Variants in SLC2A10 observed in about 807,000 individuals in gnomAD.
SLC2A10 encodes solute carrier family 2, facilitated glucose transporter member 10.
SLC2A10 carries 25 observed loss-of-function variants against 32.1 expected under a neutral mutation model. The observed-to-expected ratio is 0.78, with a 90% CI of 0.57 to 1.09. The LOEUF (loss-of-function observed/expected upper bound fraction) is 1.09, where lower values mean the gene tolerates loss of function less well. Among genes scored for constraint, SLC2A10 ranks in the 50% least tolerant of loss-of-function variants. The probability of loss-of-function intolerance (pLI) is 0.00; values close to 1 mark genes in which losing one functional copy is unlikely to be tolerated. For synonymous variants in SLC2A10, 332 were observed against 309.6 expected, an observed-to-expected ratio of 1.07 and a Z score of -0.76; for missense variants, 673 against 686.5, an observed-to-expected ratio of 0.98 and a Z score of 0.22.
intron 3 of SLC2A10, among the ~76,000 whole-genome samples, chr20:46,727,937 G>A (rs906416300): frequency 2.1e-4 from 27 of 128,078 alleles, no homozygotes; most frequent in Admixed American, 1.8e-3. Context: ...AGTGCTGTGG[G>A]AAACCCCAGT....
chr20:46,724,835 G>T, intron 1 of SLC2A10, among the ~76,000 whole-genome samples: 3 of 146,810 alleles, frequency 2.0e-5, no homozygotes, highest in African/African-American at 7.6e-5. Context: ...ATGGATGGAT[G>T]GATGGATGGA....
chr20:46,725,902 G>A lies in SLC2A10; in HGVS notation c.866G>A (p.Gly289Glu). ...VKVAATLTAMGLVDRAGRRAL... is the reference protein window; with the variant it reads ...VKVAATLTAMELVDRAGRRAL... ...GTGGCAGCTACCCTGACCGCCATGG[G>A]GCTGGTGGACCGTGCAGGCCGCAGG... is the stretch of plus-strand genomic sequence containing the variant. The change falls in exon 2 of 5, where the codon GGG becomes GAG. Residue 289 changes from glycine (G) to glutamate (E), a missense_variant. Gly to Glu is a moderately conservative substitution (Grantham distance 98, BLOSUM62 -2). Transcript: ENST00000359271. 6.2e-7 allele frequency: 1 copy of A among 1,614,174 alleles called. No homozygotes were observed. The highest frequency in any genetic ancestry group is 1.3e-5 in the African/African-American group (1 of 75,070).
intron 1 of SLC2A10, among the ~76,000 whole-genome samples, chr20:46,712,651 C>CTTTTTTTTTTTTTTTTT (rs11477202): frequency 4.2e-5 from 4 of 94,424 alleles, no homozygotes; most frequent in Admixed American, 1.4e-4. Context: ...TTCTTTCTTT[C>CTTTTTTTTTTTTTTTTT]TTTTTTTTTT....
At chr20:46,729,625 G>T (rs1980171444) in intron 4 of SLC2A10, 137 bp downstream of exon 4, 208 of 318,120 alleles carry the variant, frequency 6.5e-4, no homozygotes, top group Middle Eastern at 2.1e-3. Flanking sequence ...GGCACTATGA[G>T]TTTTTTTTTT....
intron 1 of SLC2A10, among the ~76,000 whole-genome samples, chr20:46,720,018 A>C (rs762348993): frequency 6.6e-6 from 1 of 152,188 alleles, no homozygotes; most frequent in Non-Finnish European, 1.5e-5. Context: ...AGCTGTCAAC[A>C]CAGCAGATCA....
At chr20:46,718,058 CA>C (rs949164550) in intron 1 of SLC2A10, among the ~76,000 whole-genome samples, 2 of 151,760 alleles carry the variant, frequency 1.3e-5, no homozygotes, top group African/African-American at 4.8e-5. Context: ...CCCACCTCTT[CA>C]AAAAAATCAA....
At chr20:46,724,957 T>C in intron 1 of SLC2A10, 84 bp from the exon 2 acceptor site, 1 of 1,580,618 alleles carries the variant, frequency 6.3e-7, no homozygotes, top group South Asian at 1.1e-5. Flanking sequence ...AATGAAGGTG[T>C]TGACAGATGG....
intron 4 of SLC2A10, among the ~76,000 whole-genome samples, chr20:46,731,121 C>T (rs1166629797): frequency 2.0e-5 from 3 of 152,158 alleles, no homozygotes; most frequent in Non-Finnish European, 2.9e-5. Context: ...TGAAGTCGTC[C>T]AAATGTCGGT....
In SLC2A10 at chr20:46,734,294, ATT is replaced by A. The variant is rs3091691; in HGVS notation, c.*471_*472del. On this transcript the variant is annotated 3_prime_UTR_variant, in exon 5 of 5. Transcript: ENST00000359271. ...GGAAGTCTCTTTTTTTACTCTTATC[ATT>A]TTTTTTTTTTGAGGTGGAGTCTCAT... 5.6e-3 allele frequency: 1,045 copies of A among 187,756 alleles called. No individual in the cohort carries two copies. Among genetic ancestry groups the A allele is most frequent in the South Asian group, 8.2e-3 (87 of 10,598 alleles). The allele number at this position is 187,756 out of a possible 1,614,324, so 11.6% of individuals were successfully genotyped here. A position where few individuals can be genotyped will look rare whatever the true frequency, so the allele number is the denominator to read the frequency against.
Position 46,725,561 on chromosome 20 carries a change from TG to T in SLC2A10, c.526del (p.Val176SerfsTer69). On this transcript the variant is annotated frameshift_variant, in exon 2 of 5. Coordinates refer to ENST00000359271, the MANE Select transcript of SLC2A10 (RefSeq NM_030777.4). LOFTEE classifies it high-confidence loss of function. Reference protein sequence around the residue: ...HMFGWATAPAVLQSLSLLFLP... With the variant: ...HMFGWATAPAXLQSLSLLFLP... ...TGTTCGGCTGGGCCACTGCACCTGCTGTCCTGCAATCCCTCAGCCTCCTCTT... is the reference window on the plus strand; with the variant it reads ...TGTTCGGCTGGGCCACTGCACCTGCTTCCTGCAATCCCTCAGCCTCCTCTT... 1 of 1,614,200 alleles carries T rather than the reference TG, an allele frequency of 6.2e-7. No homozygotes were observed. The highest frequency in any genetic ancestry group is 8.5e-7 in the Non-Finnish European group (1 of 1,180,026).
chr20:46,729,397 G>T lies in SLC2A10; in HGVS notation c.1456G>T (p.Ala486Ser), dbSNP rs759205774. ...GACCTTCCTGCTCTACGGACTGACC[G>T]CTGTCCTCGGCCTGGGCTTCATCTA... The part of the protein sequence containing the change: ...SWTFLLYGLT[A>S]VLGLGFIYLF... The change falls in exon 4 of 5, where the codon GCT becomes TCT. Residue 486 changes from alanine to serine, a missense_variant. Transcript: ENST00000359271. The T allele has an allele frequency of 1.1e-5, 18 of 1,613,796 alleles. No individual in the cohort carries two copies. The highest frequency in any genetic ancestry group is 8.9e-5 in the East Asian group (4 of 44,876).
At position 46,709,733 on chromosome 20, in the gene SLC2A10, C is replaced by A. The variant is rs757579412; in HGVS notation, c.-4C>A. 6.5e-6 allele frequency: 10 copies of A among 1,546,646 alleles called. No individual in the cohort carries two copies. The highest frequency in any genetic ancestry group is 8.7e-6 in the Non-Finnish European group (10 of 1,146,006). ...CCCCAGCACGCCGCCGAGTCCCGCT[C>A]GCCATGGGTAAGTCCCGATCGGGCG... is the stretch of plus-strand genomic sequence containing the variant. On this transcript the variant is annotated 5_prime_UTR_variant, in exon 1 of 5. Coordinates refer to ENST00000359271, the MANE Select transcript of SLC2A10 (RefSeq NM_030777.4).
chr20:46,724,545 G>C (rs1250040443), intron 1 of SLC2A10, among the ~76,000 whole-genome samples: 1 of 152,076 alleles, frequency 6.6e-6, no homozygotes, highest in East Asian at 1.9e-4. Flanking sequence ...TGGATGGATG[G>C]GTGGTTGAAT....
chr20:46,721,720 A>G (rs1464698278), intron 1 of SLC2A10, among the ~76,000 whole-genome samples: 2 of 152,168 alleles, frequency 1.3e-5, no homozygotes, highest in African/African-American at 4.8e-5. Context: ...TCATTTTCAT[A>G]AAGGCCTTCT....
rs1980420278 is a variant in SLC2A10 at position 46,733,763 on chromosome 20, C to G, written c.1555C>G (p.Leu519Val). ...DQQFQKRRFT[L>V]SFGHRQNSTG... The stretch of plus-strand genomic sequence containing the variant: ...GCATTCTTTGTCTGACAGGTTCACC[C>G]TGAGCTTTGGCCACAGGCAGAACTC... The change falls in exon 5 of 5, where the codon CTG becomes GTG. Residue 519 changes from leucine to valine, a missense_variant. By Grantham distance (32) the Leu-to-Val change is conservative. Transcript: ENST00000359271. 3 of 1,613,980 alleles carry G rather than the reference C, an allele frequency of 1.9e-6. No homozygotes were observed. In the Admixed American group the frequency reaches 5.0e-5, roughly 27 times the overall value.
At chr20:46,723,127 C>G (rs1299008415) in intron 1 of SLC2A10, among the ~76,000 whole-genome samples, 2 of 152,150 alleles carry the variant, frequency 1.3e-5, no homozygotes, top group East Asian at 3.8e-4. Context: ...AGGCTTACTG[C>G]CATCAGGGAC....
intron 4 of SLC2A10, among the ~76,000 whole-genome samples, chr20:46,732,191 CATCA>C (rs1272405861): frequency 6.6e-6 from 1 of 152,214 alleles, no homozygotes; most frequent in Non-Finnish European, 1.5e-5. Flanking sequence ...AATCGTCTTA[CATCA>C]ATCAATGGCA....
chr20:46,724,050 GTTC>G (rs1241030011), intron 1 of SLC2A10, among the ~76,000 whole-genome samples: 1 of 152,152 alleles, frequency 6.6e-6, no homozygotes, highest in Non-Finnish European at 1.5e-5. Context: ...TGTCTAGGAT[GTTC>G]TTCTCCCAGA....
intron 1 of SLC2A10, among the ~76,000 whole-genome samples, chr20:46,722,203 A>G (rs1979595736): frequency 1.3e-5 from 2 of 152,250 alleles, no homozygotes; most frequent in Middle Eastern, 3.4e-3. Flanking sequence ...ACATGGAGAT[A>G]TTAGTAATAC....
Sources: allele counts gnomAD v4.1 joint callset (sites outside exome capture counted in the v4.1 genomes callset), GRCh38; gene constraint gnomAD v4.1.1; transcripts MANE v1.5; gene names NCBI Gene and HGNC (gene_info 2026-07-23, HGNC 2026-07-21).